The following SBK2 variants were observed in gnomAD, a reference collection of about 807,000 sequenced individuals.
The protein encoded by SBK2 is serine/threonine-protein kinase SBK2.
A neutral mutation model predicts 15.9 loss-of-function variants in SBK2; 18 were observed. That is an observed-to-expected ratio of 1.13 (90% CI 0.78 to 1.68). SBK2 has a LOEUF of 1.68. SBK2 is among the 40% of genes most tolerant of loss of function. The pLI, the probability that SBK2 is intolerant of heterozygous loss-of-function variation, is 0.00. For synonymous variants in SBK2, 284 were observed against 246.8 expected, an observed-to-expected ratio of 1.15 and a Z score of -1.41; for missense variants, 581 against 510.9, an observed-to-expected ratio of 1.14 and a Z score of -1.32.
In SBK2 at chr19:55,533,650, A is replaced by C. The variant is rs1362979227; in HGVS notation, c.254-2305T>G. Among the ~76,000 whole-genome samples, 8 of 6,688 alleles carry C rather than the reference A, an allele frequency of 1.2e-3. 1 individual carries two copies. The highest frequency in any genetic ancestry group is 2.0e-3 in the Non-Finnish European group (7 of 3,476). The allele number at this position is 6,688 out of a possible 152,430, so 4.4% of individuals were successfully genotyped here. A position where few individuals can be genotyped will look rare whatever the true frequency, so the allele number is the denominator to read the frequency against. On this transcript the variant is annotated intron_variant, in intron 2 of 3. Coordinates refer to ENST00000413299, the MANE Select transcript of SBK2 (RefSeq NM_001370096.2). ...AGTCCGGCCTGGGCGACAGAGCGAG[A>C]CTCCGTCTCAAAAAAAAAAAAAAAA...
chr19:55,531,467 C>A, intron 2 of SBK2, 122 bp from the exon 3 acceptor site: 1 of 718,296 alleles, frequency 1.4e-6, no homozygotes, highest in South Asian at 1.7e-5. Flanking sequence ...CATAGACCAT[C>A]TCCACCTCCT....
At chr19:55,533,713 C>T (rs893000222) in intron 2 of SBK2, among the ~76,000 whole-genome samples, 1 of 139,358 alleles carries the variant, frequency 7.2e-6, no homozygotes, top group African/African-American at 2.6e-5. Flanking sequence ...AAGTTCCTTC[C>T]TTATCAAAAA....
In SBK2 at chr19:55,536,136, C is replaced by A; in HGVS notation, c.159G>T (p.Leu53=). The A allele has an allele frequency of 6.3e-7, 1 of 1,582,334 alleles. No individual in the cohort carries two copies. The highest frequency in any genetic ancestry group is 1.8e-5 in the Admixed American group (1 of 55,174). The change falls in exon 2 of 4, where the codon CTG becomes CTT. Residue 53 remains leucine, a synonymous_variant. Coordinates refer to ENST00000413299, the MANE Select transcript of SBK2 (RefSeq NM_001370096.2). ...AGAGCTCGTCCACCTCGGCTCGGAC[C>A]AGGGTCTGAGCACTCAGCGTCATCA... ...EDMMTLSAQT[L]VRAEVDELYE... is the part of the protein sequence containing the mutation.
Position 55,529,808 on chromosome 19 carries a change from G to C in SBK2, c.972C>G (p.His324Gln), listed in dbSNP as rs772034475. ...RRSAVIAIRE[H>Q]LGRPWRQREG... ...CCCGCTGCCTCCAGGGGCGCCCCAG[G>C]TGCTCCCTGATGGCGATCACAGCGC... The change falls in exon 4 of 4, where the codon CAC becomes CAG. Residue 324 changes from histidine to glutamine, a missense_variant. Physicochemically the swap from His to Gln is conservative, Grantham distance 24. Transcript: ENST00000413299. The C allele has an allele frequency of 6.2e-7, 1 of 1,604,572 alleles. No homozygotes were observed. The highest frequency in any genetic ancestry group is 1.1e-5 in the South Asian group (1 of 91,072).
chr19:55,536,877 AC>A (rs1988422197), intron 1 of SBK2, among the ~76,000 whole-genome samples, 176 bp downstream of exon 1: 1 of 147,640 alleles, frequency 6.8e-6, no homozygotes, highest in African/African-American at 2.5e-5. Context: ...ACAACTGGGG[AC>A]CCCCTGATTC....
At position 55,530,045 on chromosome 19, in the gene SBK2, G is replaced by C. The variant is rs1353850352; in HGVS notation, c.735C>G (p.Asp245Glu). The C allele has an allele frequency of 6.8e-7, 1 of 1,477,308 alleles. No individual in the cohort carries two copies. Among genetic ancestry groups the C allele is most frequent in the Non-Finnish European group, 8.9e-7 (1 of 1,118,834 alleles). The allele number at this position is 1,477,308 out of a possible 1,614,324, so 91.5% of individuals were successfully genotyped here. ...PEGLPIQPAL[D>E]AWALGVLLFC... ...AGAGCAGGACGCCCAGCGCCCAGGCGTCCAGGGCGGGCTGAATGGGCAGGC... is the reference window on the plus strand; with the variant it reads ...AGAGCAGGACGCCCAGCGCCCAGGCCTCCAGGGCGGGCTGAATGGGCAGGC... Residue 245 changes from aspartate (D) to glutamate (E), a missense_variant, in exon 4 of 4, where the codon GAC becomes GAG. Coordinates refer to ENST00000413299, the MANE Select transcript of SBK2 (RefSeq NM_001370096.2).
rs767823357 is a variant in SBK2 at position 55,536,170 on chromosome 19, A to G, written c.125T>C (p.Leu42Pro). The change falls in exon 2 of 4, where the codon CTG becomes CCG. Residue 42 changes from leucine (L) to proline (P), a missense_variant. Leu to Pro is a moderately conservative substitution (Grantham distance 98, BLOSUM62 -3). Coordinates refer to ENST00000413299, the MANE Select transcript of SBK2 (RefSeq NM_001370096.2). ...LQQGQEAARA[L>P]EDMMTLSAQT... is the part of the protein sequence containing the mutation. ...AGCACTCAGCGTCATCATGTCCTCC[A>G]GCGCGCGGGCAGCCTCCTGGCCCTG... is the stretch of plus-strand genomic sequence containing the variant. 2 of 1,606,418 alleles carry G rather than the reference A, an allele frequency of 1.2e-6. No homozygotes were observed.
chr19:55,531,019 G>C (rs1375103734), intron 3 of SBK2, 124 bp downstream of exon 3: 1 of 837,812 alleles, frequency 1.2e-6, no homozygotes, highest in African/African-American at 1.7e-5. Context: ...AGGGGCCTCC[G>C]GGGGGTAGGG....
intron 1 of SBK2, 94 bp from the exon 2 acceptor site, chr19:55,536,390 G>A: frequency 9.1e-7 from 1 of 1,096,342 alleles, no homozygotes; most frequent in Non-Finnish European, 1.2e-6. Flanking sequence ...GGGAGGAGGG[G>A]CTGGGGGCTC....
chr19:55,530,099 C>T lies in SBK2; in HGVS notation c.681G>A (p.Glu227=). 4 of 1,450,218 alleles carry T rather than the reference C, an allele frequency of 2.8e-6. No homozygotes were observed. The highest frequency in any genetic ancestry group is 3.6e-6 in the Non-Finnish European group (4 of 1,106,698). The allele number at this position is 1,450,218 out of a possible 1,614,324, so 89.8% of individuals were successfully genotyped here. A position where few individuals can be genotyped will look rare whatever the true frequency, so the allele number is the denominator to read the frequency against. The stretch of plus-strand genomic sequence containing the variant: ...CGGGGAGCGGCGGGGGCGCGCAGAG[C>T]TCGGGGGCCGTGTAGGGGATGGGCG... ...AGPPIPYTAP[E]LCAPPPLPEG... The change falls in exon 4 of 4, where the codon GAG becomes GAA. Residue 227 remains glutamate, a synonymous_variant. Coordinates refer to ENST00000413299, the MANE Select transcript of SBK2 (RefSeq NM_001370096.2).
intron 3 of SBK2, 26 bp from the exon 4 acceptor site, chr19:55,530,349 G>C (rs1487896513): frequency 1.4e-6 from 2 of 1,395,378 alleles, no homozygotes; most frequent in African/African-American, 3.0e-5. Context: ...TCAGGGCCCA[G>C]TGCCCCGGGG....
In SBK2 at chr19:55,529,942, A is replaced by G; in HGVS notation, c.838T>C (p.Trp280Arg). The G allele has an allele frequency of 6.5e-7, 1 of 1,528,510 alleles. No individual in the cohort carries two copies. Among genetic ancestry groups the G allele is most frequent in the South Asian group, 1.2e-5 (1 of 81,552 alleles). The allele number at this position is 1,528,510 out of a possible 1,614,324, so 94.7% of individuals were successfully genotyped here. Residue 280 changes from tryptophan to arginine, a missense_variant, in exon 4 of 4, where the codon TGG becomes CGG. By Grantham distance (101) the Trp-to-Arg change is moderately radical. Coordinates refer to ENST00000413299, the MANE Select transcript of SBK2 (RefSeq NM_001370096.2). ...TCCCGGGGCTGGCCCGACGCCTGCC[A>G]GATGAGGAAGTCCTCGTAGAAGGGG... is the stretch of plus-strand genomic sequence containing the variant. Reference protein sequence around the residue: ...ADPFYEDFLIWQASGQPRDRP... With the variant: ...ADPFYEDFLIRQASGQPRDRP...
intron 2 of SBK2, 147 bp from the exon 3 acceptor site, chr19:55,531,492 C>T (rs1988266007): frequency 7.6e-6 from 5 of 656,144 alleles, no homozygotes; most frequent in Non-Finnish European, 1.4e-5. Flanking sequence ...CTCCCACCTC[C>T]CTCCTGAGCC....
Position 55,536,109 on chromosome 19 carries a change from G to T in SBK2, c.186C>A (p.Tyr62Ter). ...TLVRAEVDELYEEVRPLGQGC... is the reference protein window; with the variant it reads ...TLVRAEVDEL ...CCTGGCCCAGGGGACGCACTTCCTCGTAGAGCTCGTCCACCTCGGCTCGGA... is the reference window on the plus strand; with the variant it reads ...CCTGGCCCAGGGGACGCACTTCCTCTTAGAGCTCGTCCACCTCGGCTCGGA... Residue 62 changes from tyrosine to a stop codon, truncating the protein, a stop_gained, in exon 2 of 4, where the codon TAC (tyrosine) becomes TAA (stop). Transcript: ENST00000413299. LOFTEE classifies it high-confidence loss of function. 1.3e-6 allele frequency: 2 copies of T among 1,545,398 alleles called. No homozygotes were observed. Among genetic ancestry groups the T allele is most frequent in the Non-Finnish European group, 1.8e-6 (2 of 1,142,536 alleles).
chr19:55,533,821 G>A lies in SBK2; in HGVS notation c.253+2221C>T, dbSNP rs116019936. On this transcript the variant is annotated intron_variant, in intron 2 of 3. Coordinates refer to ENST00000413299, the MANE Select transcript of SBK2 (RefSeq NM_001370096.2). ...CACTGCCGCCACGGCCACGCCACCC[G>A]GTGTTGGCGATCCCTGCCCATCTAT... Among the ~76,000 whole-genome samples, 629 of 152,100 alleles carry A rather than the reference G, an allele frequency of 4.1e-3. 11 individuals are homozygous for A. The highest frequency in any genetic ancestry group is 0.015 in the African/African-American group (602 of 41,488).
At chr19:55,536,350 G>GGGGCTGGGGGTCT in intron 1 of SBK2, 54 bp from the exon 2 acceptor site, 1 of 1,408,030 alleles carries the variant, frequency 7.1e-7, no homozygotes. Flanking sequence ...AAGGGAGGAG[G>GGGGCTGGGGGTCT]GGACTGGGGG....
At chr19:55,534,717 A>AAG (rs1247183599) in intron 2 of SBK2, among the ~76,000 whole-genome samples, 2 of 143,742 alleles carry the variant, frequency 1.4e-5, no homozygotes, top group Non-Finnish European at 3.0e-5. Context: ...AAAAAAAAAA[A>AAG]AAAGAAAAAA....
At position 55,530,306 on chromosome 19, in the gene SBK2, G is replaced by A. The variant is rs1278300385; in HGVS notation, c.474C>T (p.Pro158=). ...FIQPKVGLPQ[P]AVHRCAAQLA... ...GCTGGGCGGCGCAGCGGTGCACCGC[G>A]GGCTGCGGGAGGCCCACCTGCGGGG... The change falls in exon 4 of 4, where the codon CCC becomes CCT. Residue 158 remains proline (P), a synonymous_variant. Transcript: ENST00000413299. The A allele has an allele frequency of 2.8e-6, 4 of 1,416,074 alleles. No homozygotes were observed. The highest frequency in any genetic ancestry group is 2.8e-6 in the Non-Finnish European group (3 of 1,085,602). The allele number at this position is 1,416,074 out of a possible 1,614,324, so 87.7% of individuals were successfully genotyped here.
Position 55,536,051 on chromosome 19 carries a change from G to A in SBK2, c.244C>T (p.Arg82Cys), listed in dbSNP as rs753100690. 9 of 1,475,802 alleles carry A rather than the reference G, an allele frequency of 6.1e-6. No homozygotes were observed. Among genetic ancestry groups the A allele is most frequent in the East Asian group, 2.6e-5 (1 of 38,440 alleles). The allele number at this position is 1,475,802 out of a possible 1,614,324, so 91.4% of individuals were successfully genotyped here. The change falls in exon 2 of 4, where the codon CGT becomes TGT. Residue 82 changes from arginine (R) to cysteine (C), a missense_variant. By Grantham distance (180) the Arg-to-Cys change is radical. Coordinates refer to ENST00000413299, the MANE Select transcript of SBK2 (RefSeq NM_001370096.2). ...CYGRVLLVTH[R>C]QKGTPLALKQ... ...CCCCACAGCCTCGTACCTTTCTGACGATGGGTGACCAGAAGGACGCGGCCA... is the reference window on the plus strand; with the variant it reads ...CCCCACAGCCTCGTACCTTTCTGACAATGGGTGACCAGAAGGACGCGGCCA...
Sources: allele counts gnomAD v4.1 joint callset (sites outside exome capture counted in the v4.1 genomes callset), GRCh38; gene constraint gnomAD v4.1.1; transcripts MANE v1.5; gene names NCBI Gene and HGNC (gene_info 2026-07-23, HGNC 2026-07-21).